The following MTSS1 variants were observed in gnomAD, a reference collection of about 807,000 sequenced individuals.
MTSS1 encodes the protein protein MTSS 1.
MTSS1 carries 18 observed loss-of-function variants against 79.0 expected under a neutral mutation model. The observed-to-expected ratio is 0.23, with a 90% CI of 0.16 to 0.34. MTSS1 has a LOEUF of 0.34. Among genes scored for constraint, MTSS1 ranks in the 10% least tolerant of loss-of-function variants. The probability of loss-of-function intolerance (pLI) is 1.00; values close to 1 mark genes in which losing one functional copy is unlikely to be tolerated. For synonymous variants in MTSS1, 341 were observed against 368.6 expected, an observed-to-expected ratio of 0.93 and a Z score of 0.86; for missense variants, 815 against 986.2, an observed-to-expected ratio of 0.83 and a Z score of 2.33.
intron 3 of MTSS1, among the ~76,000 whole-genome samples, chr8:124,693,890 A>C (rs936117920): frequency 1.3e-5 from 2 of 152,180 alleles, no homozygotes; most frequent in Non-Finnish European, 2.9e-5. Flanking sequence ...AAATCATAGA[A>C]TATTAGAGCC....
chr8:124,588,058 G>A lies in MTSS1; in HGVS notation c.385+1562C>T, dbSNP rs1452988790. On this transcript the variant is annotated intron_variant, in intron 5 of 13. Coordinates refer to ENST00000518547, the MANE Select transcript of MTSS1 (RefSeq NM_014751.6). ...ATTTCTGTGGCTCCAGAGCATGCAC[G>A]GGCATGAAATACGGTAAGTACTCAG... 3.3e-5 allele frequency among the ~76,000 whole-genome samples: 5 copies of A among 152,160 alleles called. No homozygotes were observed. The East Asian group carries it at 9.6e-4, about 29-fold the overall frequency.
chr8:124,707,949 G>T (rs1331305136), intron 1 of MTSS1, among the ~76,000 whole-genome samples: 1 of 152,232 alleles, frequency 6.6e-6, no homozygotes, highest in East Asian at 1.9e-4. Flanking sequence ...GGCCTGGGCA[G>T]GGAGCACTGG....
chr8:124,590,218 TC>T (rs1831615515), intron 4 of MTSS1, among the ~76,000 whole-genome samples: 1 of 152,150 alleles, frequency 6.6e-6, no homozygotes, highest in African/African-American at 2.4e-5. Flanking sequence ...TGACCCTTCT[TC>T]CCATTTTCCC....
At chr8:124,570,525 G>C (rs1236423848) in intron 6 of MTSS1, among the ~76,000 whole-genome samples, 1 of 152,134 alleles carries the variant, frequency 6.6e-6, no homozygotes, top group African/African-American at 2.4e-5. Flanking sequence ...CTCTTACTGT[G>C]CCTAAATTAT....
chr8:124,652,363 A>T (rs944841654), intron 3 of MTSS1, among the ~76,000 whole-genome samples: 2 of 150,926 alleles, frequency 1.3e-5, no homozygotes, highest in Non-Finnish European at 3.0e-5. Context: ...ACAGGGTTTC[A>T]CCATGTTGGC....
At chr8:124,570,562 T>C (rs1827536397) in intron 6 of MTSS1, among the ~76,000 whole-genome samples, 1 of 152,234 alleles carries the variant, frequency 6.6e-6, no homozygotes, top group Non-Finnish European at 1.5e-5. Context: ...TAGACATGTA[T>C]GCATGGGAAA....
At chr8:124,642,477 C>G (rs113883654) in intron 3 of MTSS1, among the ~76,000 whole-genome samples, 52 of 152,334 alleles carry the variant, frequency 3.4e-4, no homozygotes, top group African/African-American at 1.2e-3. Context: ...GGAGGCTTTA[C>G]AACTATTAGA....
chr8:124,605,967 T>G (rs1368152334), intron 3 of MTSS1, among the ~76,000 whole-genome samples: 30 of 126,420 alleles, frequency 2.4e-4, no homozygotes, highest in African/African-American at 9.5e-4. Context: ...TATCTCATTT[T>G]TTTTTTTTTT....
In MTSS1 at chr8:124,716,022, C is replaced by T. The variant is rs75188249; in HGVS notation, c.73-11831G>A. Reference sequence around the variant, plus strand: ...TGCTTTGATGACTCAATGTACGATGCCAATCACCCTGACTGGGCCATGAAT... The same window carrying T: ...TGCTTTGATGACTCAATGTACGATGTCAATCACCCTGACTGGGCCATGAAT... On this transcript the variant is annotated intron_variant, in intron 1 of 13. Coordinates refer to ENST00000518547, the MANE Select transcript of MTSS1 (RefSeq NM_014751.6). Among the ~76,000 whole-genome samples, 1,336 of 152,306 alleles carry T rather than the reference C, an allele frequency of 8.8e-3. 19 individuals are homozygous for T. Among genetic ancestry groups the T allele is most frequent in the African/African-American group, 0.031 (1,282 of 41,548 alleles).
chr8:124,644,957 C>T (rs185074489), intron 3 of MTSS1, among the ~76,000 whole-genome samples: 1 of 152,302 alleles, frequency 6.6e-6, no homozygotes, highest in Admixed American at 6.5e-5. Flanking sequence ...GAGCCATAAA[C>T]GTTTACTGGG....
intron 13 of MTSS1, 143 bp downstream of exon 13, chr8:124,555,599 A>G (rs376137964): frequency 1.8e-6 from 2 of 1,095,548 alleles, no homozygotes; most frequent in East Asian, 2.6e-5. Context: ...GAGCTCCCCA[A>G]AGCATTCCCA....
intron 3 of MTSS1, among the ~76,000 whole-genome samples, chr8:124,602,041 A>G (rs1188351190): frequency 2.6e-5 from 4 of 151,542 alleles, no homozygotes; most frequent in Admixed American, 1.3e-4. Context: ...ACAATGCTTT[A>G]CCCAAAGATT....
At chr8:124,629,301 T>C (rs1281201727) in intron 3 of MTSS1, among the ~76,000 whole-genome samples, 7 of 150,614 alleles carry the variant, frequency 4.6e-5, no homozygotes, top group Non-Finnish European at 1.0e-4. Flanking sequence ...GATCACAAGG[T>C]CAGGAGATGG....
chr8:124,715,440 A>C (rs1414997799), intron 1 of MTSS1, among the ~76,000 whole-genome samples: 3 of 151,842 alleles, frequency 2.0e-5, no homozygotes, highest in Non-Finnish European at 4.4e-5. Context: ...TCCGCAGCCA[A>C]GGGCAGCATG....
intron 10 of MTSS1, 87 bp downstream of exon 10, chr8:124,562,695 A>C (rs1189245152): frequency 6.7e-6 from 9 of 1,335,648 alleles, no homozygotes; most frequent in Non-Finnish European, 9.5e-6. Context: ...GGATTGTCTA[A>C]GCCAAGGTGC....
chr8:124,569,329 A>G lies in MTSS1; in HGVS notation c.461-793T>C, dbSNP rs563265304. On this transcript the variant is annotated intron_variant, in intron 6 of 13. Transcript: ENST00000518547. The stretch of plus-strand genomic sequence containing the variant: ...TGGTCAGCAAACCATCTTTGCAAAT[A>G]AAGTTTTATTAGAACACAGCCAAAT... Among the ~76,000 whole-genome samples, 6 of 152,332 alleles carry G rather than the reference A, an allele frequency of 3.9e-5. No individual in the cohort carries two copies. The South Asian group carries it at 1.0e-3, about 26-fold the overall frequency.
At chr8:124,560,942 G>A (rs900510765) in intron 10 of MTSS1, among the ~76,000 whole-genome samples, 1 of 152,104 alleles carries the variant, frequency 6.6e-6, no homozygotes, top group South Asian at 2.1e-4. Flanking sequence ...GGGCTCCTGC[G>A]CCTCCTAGAT....
chr8:124,649,153 T>C (rs750136321), intron 3 of MTSS1, among the ~76,000 whole-genome samples: 64 of 152,238 alleles, frequency 4.2e-4, no homozygotes, highest in Non-Finnish European at 8.2e-4. Context: ...TTTCTGTAAG[T>C]AAAGTTTTAT....
At chr8:124,675,180 GATCT>G (rs1288904237) in intron 3 of MTSS1, among the ~76,000 whole-genome samples, 1 of 152,196 alleles carries the variant, frequency 6.6e-6, no homozygotes, top group Non-Finnish European at 1.5e-5. Context: ...GAGGAACACT[GATCT>G]TTCACTAGTC....
Sources: gnomAD v4.1 joint callset for allele counts (sites outside exome capture counted in the v4.1 genomes callset) on GRCh38, gnomAD v4.1.1 for gene constraint, MANE v1.5 for transcripts, NCBI Gene and HGNC (gene_info 2026-07-23, HGNC 2026-07-21) for gene names.